TMEM132B: variants seen among roughly 807,000 people sequenced by gnomAD.
TMEM132B encodes the protein transmembrane protein 132B.
Under a neutral mutation model 90.8 loss-of-function variants are expected in TMEM132B, and 18 were observed. That is an observed-to-expected ratio of 0.20 (90% CI 0.14 to 0.29). The LOEUF is 0.29. Among genes scored for constraint, TMEM132B ranks in the 10% least tolerant of loss-of-function variants. TMEM132B has a pLI of 1.00. For missense variants in TMEM132B, 1,096 were observed against 1,326.8 expected, an observed-to-expected ratio of 0.83 and a Z score of 2.70; for synonymous variants, 504 against 523.3, an observed-to-expected ratio of 0.96 and a Z score of 0.50.
chr12:125,413,489 C>G (rs560801943), intron 2 of TMEM132B, among the ~76,000 whole-genome samples: 2 of 152,268 alleles, frequency 1.3e-5, no homozygotes, highest in East Asian at 3.9e-4. Context: ...GGCAGCTACT[C>G]CCCATTTCCC....
At chr12:125,414,671 C>T (rs1879958418) in intron 2 of TMEM132B, among the ~76,000 whole-genome samples, 1 of 152,104 alleles carries the variant, frequency 6.6e-6, no homozygotes, top group African/African-American at 2.4e-5. Context: ...TGTGGTGATA[C>T]CTATGTTCAG....
chr12:125,356,478 C>T (rs908993921), intron 2 of TMEM132B, among the ~76,000 whole-genome samples: 11 of 152,346 alleles, frequency 7.2e-5, no homozygotes, highest in African/African-American at 2.2e-4. Context: ...CCAGTAACCA[C>T]GATTGATTCT....
intron 2 of TMEM132B, among the ~76,000 whole-genome samples, chr12:125,384,778 G>T (rs905211557): frequency 2.6e-5 from 4 of 152,066 alleles, no homozygotes; most frequent in African/African-American, 9.7e-5. Context: ...AGCCTCCCAA[G>T]TAGCTGGGAT....
chr12:125,541,123 C>T (rs968882682), intron 4 of TMEM132B, among the ~76,000 whole-genome samples: 2 of 152,322 alleles, frequency 1.3e-5, no homozygotes, highest in African/African-American at 4.8e-5. Flanking sequence ...CCCTGATCAC[C>T]CTGGAGAGAA....
Position 125,201,362 on chromosome 12 carries a change from G to T in TMEM132B, c.67+14496G>T, listed in dbSNP as rs144798106. On this transcript the variant is annotated intron_variant, in intron 1 of 8. Coordinates refer to ENST00000682704, the MANE Select transcript of TMEM132B (RefSeq NM_001366854.1). ...AGAGAGCACAGTATGAGGGAGAAAGGTGCTAGAATTTCTTTCTCAATATTT... is the reference window on the plus strand; with the variant it reads ...AGAGAGCACAGTATGAGGGAGAAAGTTGCTAGAATTTCTTTCTCAATATTT... Among the ~76,000 whole-genome samples the T allele has an allele frequency of 5.9e-3, 897 of 152,332 alleles. 4 individuals are homozygous for T. The highest frequency in any genetic ancestry group is 7.3e-3 in the Non-Finnish European group (497 of 68,032).
chr12:125,465,443 A>G (rs574155368), intron 3 of TMEM132B, among the ~76,000 whole-genome samples: 182 of 152,330 alleles, frequency 1.2e-3, no homozygotes, highest in African/African-American at 4.3e-3. Flanking sequence ...TTAATGCATT[A>G]TGACTTTGTG....
intron 2 of TMEM132B, among the ~76,000 whole-genome samples, chr12:125,393,249 T>C (rs763871238): frequency 2.6e-5 from 4 of 152,152 alleles, no homozygotes; most frequent in African/African-American, 9.7e-5. Flanking sequence ...ATATTGAGCA[T>C]TGAGTGGGTA....
chr12:125,379,510 A>G (rs1037908336), intron 2 of TMEM132B, among the ~76,000 whole-genome samples: 4 of 152,210 alleles, frequency 2.6e-5, no homozygotes, highest in African/African-American at 9.7e-5. Context: ...AAGACAAAAA[A>G]TGGATATTCT....
At chr12:125,500,624 A>C (rs1882671721) in intron 3 of TMEM132B, among the ~76,000 whole-genome samples, 1 of 152,218 alleles carries the variant, frequency 6.6e-6, no homozygotes, top group South Asian at 2.1e-4. Flanking sequence ...GGATAAAAAC[A>C]TGTGAAATGG....
Position 125,384,587 on chromosome 12 carries a change from T to C in TMEM132B, c.960-30944T>C, listed in dbSNP as rs139609275. ...TTTTGAAGCATATAATGCATTATTA[T>C]TTACTATAGCCATCATTCTATGCAG... On this transcript the variant is annotated intron_variant, in intron 2 of 8. Transcript: ENST00000682704. 3.2e-3 allele frequency among the ~76,000 whole-genome samples: 489 copies of C among 152,328 alleles called. 5 individuals are homozygous for C. Among genetic ancestry groups the C allele is most frequent in the African/African-American group, 0.011 (440 of 41,572 alleles).
At chr12:125,243,243 A>T (rs1267495709) in intron 1 of TMEM132B, among the ~76,000 whole-genome samples, 1 of 148,956 alleles carries the variant, frequency 6.7e-6, no homozygotes, top group Non-Finnish European at 1.5e-5. Context: ...TCCTGAGTTC[A>T]AGGATTCTCC....
At chr12:125,243,040 C>T (rs965619581) in intron 1 of TMEM132B, among the ~76,000 whole-genome samples, 41 of 109,472 alleles carry the variant, frequency 3.7e-4, no homozygotes, top group South Asian at 1.5e-3. Flanking sequence ...TATACACACA[C>T]ACACACACAC....
At chr12:125,388,472 C>G (rs74937516) in intron 2 of TMEM132B, among the ~76,000 whole-genome samples, 1 of 151,994 alleles carries the variant, frequency 6.6e-6, no homozygotes, top group African/African-American at 2.4e-5. Context: ...CCTGTTGTCC[C>G]GTATGGTTTA....
intron 1 of TMEM132B, among the ~76,000 whole-genome samples, chr12:125,227,727 G>A (rs560122476): frequency 1.8e-4 from 27 of 152,282 alleles, no homozygotes; most frequent in African/African-American, 5.1e-4. Flanking sequence ...CCATTCTTGT[G>A]CAGGTCCAGC....
rs59279161 is a variant in TMEM132B, at chr12:125,389,055, C to CAA, written c.960-26474_960-26473dup. On this transcript the variant is annotated intron_variant, in intron 2 of 8. Coordinates refer to ENST00000682704, the MANE Select transcript of TMEM132B (RefSeq NM_001366854.1). The stretch of plus-strand genomic sequence containing the variant: ...ACACACACACACACACACACACACA[C>CAA]AAACACACAAGATTGATAAATCTAG... Among the ~76,000 whole-genome samples, 175 of 143,686 alleles carry CAA rather than the reference C, an allele frequency of 1.2e-3. 2 individuals carry two copies. Among genetic ancestry groups the CAA allele is most frequent in the African/African-American group, 4.1e-3 (161 of 39,358 alleles). The allele number at this position is 143,686 out of a possible 152,430, so 94.3% of individuals were successfully genotyped here.
intron 1 of TMEM132B, among the ~76,000 whole-genome samples, chr12:125,331,834 GC>G (rs201959445): frequency 0.017 from 2,607 of 152,284 alleles, 72 homozygotes; most frequent in African/African-American, 0.059. Context: ...GCTCACTGCA[GC>G]CTTGACCTCC....
At chr12:125,581,836 G>T (rs1480557511) in intron 4 of TMEM132B, among the ~76,000 whole-genome samples, 1 of 151,850 alleles carries the variant, frequency 6.6e-6, no homozygotes, top group Non-Finnish European at 1.5e-5. Context: ...ACCCCACCTA[G>T]GTGAGTTCTC....
chr12:125,401,752 T>C (rs1436358764), intron 2 of TMEM132B, among the ~76,000 whole-genome samples: 1 of 152,240 alleles, frequency 6.6e-6, no homozygotes, highest in African/African-American at 2.4e-5. Context: ...TTAAGTATTT[T>C]TGGCTAATTA....
At chr12:125,623,046 C>T (rs1009712714) in intron 5 of TMEM132B, among the ~76,000 whole-genome samples, 6 of 152,150 alleles carry the variant, frequency 3.9e-5, no homozygotes, top group African/African-American at 7.2e-5. Context: ...GTGCCAATGG[C>T]ACCTAATTAA....
Sources: allele counts gnomAD v4.1 joint callset (sites outside exome capture counted in the v4.1 genomes callset), GRCh38; gene constraint gnomAD v4.1.1; transcripts MANE v1.5; gene names NCBI Gene and HGNC (gene_info 2026-07-23, HGNC 2026-07-21).